GRM5: variants seen among roughly 807,000 people sequenced by gnomAD.
The protein encoded by GRM5 is metabotropic glutamate receptor 5.
Under a neutral mutation model 83.1 loss-of-function variants are expected in GRM5, and 19 were observed. The ratio of observed to expected loss-of-function variants is 0.23; its 90% CI spans 0.16 to 0.34. The LOEUF (loss-of-function observed/expected upper bound fraction) is 0.34, where lower values mean the gene tolerates loss of function less well. GRM5 is among the 10% of genes least tolerant of loss of function. The pLI is 1.00. For missense variants in GRM5, 1,160 were observed against 1,588.3 expected, an observed-to-expected ratio of 0.73 and a Z score of 4.58; for synonymous variants, 675 against 633.6, an observed-to-expected ratio of 1.07 and a Z score of -0.98.
intron 3 of GRM5, among the ~76,000 whole-genome samples, chr11:88,703,132 C>T (rs537418541): frequency 5.3e-5 from 8 of 152,122 alleles, no homozygotes; most frequent in Non-Finnish European, 7.4e-5. Context: ...TATATAAACT[C>T]TAAAGCATTG....
At chr11:88,530,410 G>C (rs994840678) in intron 8 of GRM5, among the ~76,000 whole-genome samples, 1 of 151,912 alleles carries the variant, frequency 6.6e-6, no homozygotes. Flanking sequence ...GACTTATTCT[G>C]AAATAAGTTT....
At chr11:88,615,025 T>G (rs1005180763) in intron 4 of GRM5, among the ~76,000 whole-genome samples, 1 of 152,168 alleles carries the variant, frequency 6.6e-6, no homozygotes, top group Non-Finnish European at 1.5e-5. Context: ...AGATAATGCC[T>G]GCTAGCACTG....
intron 3 of GRM5, among the ~76,000 whole-genome samples, chr11:88,747,870 G>A (rs995115284): frequency 3.3e-5 from 5 of 152,142 alleles, no homozygotes; most frequent in African/African-American, 1.2e-4. Flanking sequence ...CCAATTAGAA[G>A]CAGCTGTGGT....
chr11:88,528,990 C>T (rs772587935), intron 8 of GRM5, among the ~76,000 whole-genome samples: 3 of 152,142 alleles, frequency 2.0e-5, no homozygotes, highest in Admixed American at 6.5e-5. Flanking sequence ...AATATTACTA[C>T]GTTTAAAAAC....
At chr11:89,019,540 C>CAA (rs765009438) in intron 2 of GRM5, among the ~76,000 whole-genome samples, 143 of 123,040 alleles carry the variant, frequency 1.2e-3, no homozygotes, top group African/African-American at 3.7e-3. Context: ...ACTAAAAATA[C>CAA]AAAAAAAAAA....
At chr11:88,869,390 A>C (rs190202198) in intron 2 of GRM5, among the ~76,000 whole-genome samples, 1 of 144,044 alleles carries the variant, frequency 6.9e-6, no homozygotes, top group East Asian at 1.9e-4. Context: ...TTATTGATAC[A>C]AAAAATGGTA....
chr11:88,987,139 T>A (rs755368858), intron 2 of GRM5, among the ~76,000 whole-genome samples: 18 of 151,800 alleles, frequency 1.2e-4, no homozygotes, highest in Admixed American at 1.1e-3. Context: ...TGGGCGCAGG[T>A]CAGTGGGTGC....
intron 7 of GRM5, among the ~76,000 whole-genome samples, chr11:88,576,074 C>A (rs1005946321): frequency 6.6e-6 from 1 of 152,106 alleles, no homozygotes. Flanking sequence ...AAAAATATGA[C>A]TTCCGGTCAT....
intron 2 of GRM5, among the ~76,000 whole-genome samples, chr11:88,888,303 T>A (rs1479860896): frequency 6.6e-6 from 1 of 152,118 alleles, no homozygotes; most frequent in Non-Finnish European, 1.5e-5. Context: ...AACAGACAGC[T>A]CTGCAAGCAG....
At chr11:88,615,973 G>A (rs755671180) in intron 4 of GRM5, among the ~76,000 whole-genome samples, 22 of 152,040 alleles carry the variant, frequency 1.4e-4, no homozygotes, top group African/African-American at 2.2e-4. Context: ...GAGCATATAA[G>A]AGCACAGATT....
intron 2 of GRM5, among the ~76,000 whole-genome samples, chr11:88,890,355 A>G: frequency 6.6e-6 from 1 of 152,108 alleles, no homozygotes; most frequent in Non-Finnish European, 1.5e-5. Context: ...AATGCATGCT[A>G]CCTGGCCCAG....
At chr11:89,011,128 T>C (rs1324520538) in intron 2 of GRM5, among the ~76,000 whole-genome samples, 1 of 152,184 alleles carries the variant, frequency 6.6e-6, no homozygotes, top group Non-Finnish European at 1.5e-5. Context: ...AAAACCTCAG[T>C]TAGCTGTAAT....
At chr11:89,013,218 T>C (rs886440915) in intron 2 of GRM5, among the ~76,000 whole-genome samples, 5 of 152,212 alleles carry the variant, frequency 3.3e-5, no homozygotes, top group African/African-American at 1.2e-4. Context: ...GCTAAGCATA[T>C]GTGTTATTTT....
At chr11:88,861,435 C>T (rs2135551256) in intron 2 of GRM5, among the ~76,000 whole-genome samples, 1 of 149,722 alleles carries the variant, frequency 6.7e-6, no homozygotes, top group Non-Finnish European at 1.5e-5. Context: ...CTGAAAGTGA[C>T]AGAATTCTCT....
intron 7 of GRM5, among the ~76,000 whole-genome samples, chr11:88,582,617 C>T (rs1943234628): frequency 6.6e-6 from 1 of 152,156 alleles, no homozygotes; most frequent in Non-Finnish European, 1.5e-5. Flanking sequence ...TAATAATAAA[C>T]TAAACTTATT....
intron 8 of GRM5, among the ~76,000 whole-genome samples, chr11:88,545,503 C>T (rs987692748): frequency 7.0e-6 from 1 of 143,106 alleles, no homozygotes; most frequent in Non-Finnish European, 1.5e-5. Context: ...TTTCTTTGAG[C>T]TCATAGGACA....
At chr11:88,666,551 A>G (rs1591425686) in intron 3 of GRM5, among the ~76,000 whole-genome samples, 1 of 152,324 alleles carries the variant, frequency 6.6e-6, no homozygotes, top group Admixed American at 6.5e-5. Flanking sequence ...ATCTCCCACT[A>G]GGCCCCACCT....
chr11:88,809,946 T>A (rs1465433915), intron 3 of GRM5, among the ~76,000 whole-genome samples: 1 of 152,084 alleles, frequency 6.6e-6, no homozygotes, highest in Non-Finnish European at 1.5e-5. Flanking sequence ...ACCTGATATT[T>A]GAATTTAATT....
Position 88,509,252 on chromosome 11 carries a change from T to A in GRM5, c.2979A>T (p.Pro993=), listed in dbSNP as rs1490976136. 6.7e-7 allele frequency: 1 copy of A among 1,490,526 alleles called. No individual in the cohort carries two copies. Among genetic ancestry groups the A allele is most frequent in the Non-Finnish European group, 8.9e-7 (1 of 1,123,426 alleles). 92.3% of individuals were successfully genotyped at this position (1,490,526 alleles called of 1,614,324 possible). Residue 993 remains proline, a synonymous_variant, in exon 10 of 10, where the codon CCA becomes CCT. Transcript: ENST00000305447. ...AGAGPGGPES[P]DAGPKALYDV... ...CATACAGCGCCTTGGGGCCGGCGTC[T>A]GGGGACTCGGGCCCGCCTGGGCCGG...
Sources: gnomAD v4.1 joint callset for allele counts (sites outside exome capture counted in the v4.1 genomes callset) on GRCh38, gnomAD v4.1.1 for gene constraint, MANE v1.5 for transcripts, NCBI Gene and HGNC (gene_info 2026-07-23, HGNC 2026-07-21) for gene names.